Variants in PCMT1 observed in about 807,000 individuals in gnomAD.
PCMT1 encodes the protein protein-L-isoaspartate(D-aspartate) O-methyltransferase.
Under a neutral mutation model 29.2 loss-of-function variants are expected in PCMT1, and 9 were observed. The observed-to-expected ratio is 0.31, with a 90% CI of 0.19 to 0.54. The LOEUF is 0.54. Among genes scored for constraint, PCMT1 ranks in the 20% least tolerant of loss-of-function variants. The pLI is 0.95. For synonymous variants in PCMT1, 98 were observed against 97.5 expected, an observed-to-expected ratio of 1.00 and a Z score of -0.03; for missense variants, 184 against 282.2, an observed-to-expected ratio of 0.65 and a Z score of 2.49.
At chr6:149,762,396 A>G (rs947802446) in intron 1 of PCMT1, among the ~76,000 whole-genome samples, 1 of 151,354 alleles carries the variant, frequency 6.6e-6, no homozygotes. Flanking sequence ...AGAAAAGCCT[A>G]ATGGTAATTG....
At chr6:149,755,909 CA>C (rs984775770) in intron 1 of PCMT1, among the ~76,000 whole-genome samples, 2 of 152,168 alleles carry the variant, frequency 1.3e-5, no homozygotes, top group Non-Finnish European at 2.9e-5. Context: ...ATCATTAGAC[CA>C]AAGATTTGCT....
At position 149,809,933 on chromosome 6, in the gene PCMT1, C is replaced by T. The variant is rs562584935; in HGVS notation, c.*38-683C>T. 13 of 152,226 alleles carry T rather than the reference C, an allele frequency of 8.5e-5. No individual in the cohort carries two copies. The East Asian group carries it at 1.9e-3, about 23-fold the overall frequency. 9.4% of individuals were successfully genotyped at this position (152,226 alleles called of 1,614,324 possible). On this transcript the variant is annotated intron_variant, in intron 7 of 7. Transcript: ENST00000464889. ...AGCTATGAGGCTTGTGGGCTTCTCTCGTGGTTTTATTCATTTTTTCACTTT... is the reference window on the plus strand; with the variant it reads ...AGCTATGAGGCTTGTGGGCTTCTCTTGTGGTTTTATTCATTTTTTCACTTT...
At chr6:149,760,286 C>T (rs1382845799) in intron 1 of PCMT1, among the ~76,000 whole-genome samples, 3 of 152,134 alleles carry the variant, frequency 2.0e-5, no homozygotes, top group Non-Finnish European at 4.4e-5. Flanking sequence ...TTTGCCTCTT[C>T]ATATGCCTTG....
At chr6:149,769,589 C>T (rs1453790823) in intron 1 of PCMT1, among the ~76,000 whole-genome samples, 3 of 151,774 alleles carry the variant, frequency 2.0e-5, no homozygotes, top group Non-Finnish European at 2.9e-5. Flanking sequence ...GCTGGAATTA[C>T]AGGTGTGAGC....
chr6:149,771,117 G>T, intron 1 of PCMT1, 45 bp from the exon 2 acceptor site: 1 of 1,098,490 alleles, frequency 9.1e-7, no homozygotes, highest in Non-Finnish European at 1.4e-6. Flanking sequence ...AAATATCTCT[G>T]ATCATGTCTC....
intron 1 of PCMT1, among the ~76,000 whole-genome samples, chr6:149,769,308 C>CTTGTTTTTTTTTTTT (rs1787214423): frequency 1.4e-5 from 1 of 71,562 alleles, no homozygotes; most frequent in Non-Finnish European, 2.2e-5. Flanking sequence ...GTGCAGGATT[C>CTTGTTTTTTTTTTTT]TTTTTTTTTT....
chr6:149,772,793 G>A (rs1393838808), intron 2 of PCMT1: 2 of 337,912 alleles, frequency 5.9e-6, no homozygotes, highest in Non-Finnish European at 1.1e-5. Flanking sequence ...CGAGGTGGGT[G>A]GATCACGAGG....
chr6:149,787,334 G>GGGAGCT (rs1197875312), intron 3 of PCMT1, among the ~76,000 whole-genome samples: 1 of 150,880 alleles, frequency 6.6e-6, no homozygotes, highest in Admixed American at 6.6e-5. Flanking sequence ...GAGCGGGAGC[G>GGGAGCT]GGAGCTGGCT....
chr6:149,787,845 A>G (rs12182786), intron 3 of PCMT1, among the ~76,000 whole-genome samples: 68 of 142,624 alleles, frequency 4.8e-4, no homozygotes, highest in African/African-American at 1.5e-3. Context: ...GTGTGTGTGT[A>G]TGTGTGTGTA....
At chr6:149,803,950 T>C (rs1321004362) in intron 7 of PCMT1, among the ~76,000 whole-genome samples, 1 of 151,568 alleles carries the variant, frequency 6.6e-6, no homozygotes, top group Non-Finnish European at 1.5e-5. Context: ...GCATGTTGGC[T>C]TGCATCTGTA....
At chr6:149,795,570 C>T (rs915024688) in intron 5 of PCMT1, 6 of 522,478 alleles carry the variant, frequency 1.1e-5, no homozygotes, top group South Asian at 3.6e-5. Context: ...CAACTTTACA[C>T]AACCCAATGA....
intron 3 of PCMT1, among the ~76,000 whole-genome samples, chr6:149,785,614 C>T (rs1028160606): frequency 1.2e-4 from 18 of 151,910 alleles, no homozygotes; most frequent in Admixed American, 3.9e-4. Context: ...TGACTCTTAA[C>T]GAGCACGCTG....
intron 3 of PCMT1, among the ~76,000 whole-genome samples, chr6:149,786,063 G>A (rs1377555132): frequency 2.7e-5 from 4 of 146,688 alleles, no homozygotes; most frequent in Non-Finnish European, 4.6e-5. Context: ...CCTCCCGGAC[G>A]GGGTGGCTAG....
intron 7 of PCMT1, among the ~76,000 whole-genome samples, chr6:149,808,785 T>C (rs750872043): frequency 1.6e-4 from 24 of 151,744 alleles, no homozygotes; most frequent in Admixed American, 3.9e-4. Context: ...TACAGGTGCA[T>C]GCCACCACAC....
chr6:149,771,755 C>G (rs1363738416), intron 2 of PCMT1, among the ~76,000 whole-genome samples: 1 of 152,052 alleles, frequency 6.6e-6, no homozygotes, highest in Admixed American at 6.6e-5. Context: ...TGAGCTCAGG[C>G]AAACCACCCG....
chr6:149,759,651 C>T (rs1275314867), intron 1 of PCMT1, among the ~76,000 whole-genome samples: 3 of 152,074 alleles, frequency 2.0e-5, no homozygotes, highest in African/African-American at 7.2e-5. Flanking sequence ...CCTGCCACCA[C>T]ATCTGGCTAA....
At chr6:149,788,010 C>T (rs1365583047) in intron 3 of PCMT1, among the ~76,000 whole-genome samples, 1 of 152,078 alleles carries the variant, frequency 6.6e-6, no homozygotes, top group African/African-American at 2.4e-5. Context: ...CTCCGCCTCT[C>T]GGGTTCACGC....
intron 3 of PCMT1, among the ~76,000 whole-genome samples, chr6:149,781,408 G>T (rs1787809350): frequency 6.6e-6 from 1 of 151,938 alleles, no homozygotes; most frequent in Non-Finnish European, 1.5e-5. Flanking sequence ...TGTATTTTTA[G>T]TAGAGACAAG....
chr6:149,764,406 T>C (rs1786985689), intron 1 of PCMT1, among the ~76,000 whole-genome samples: 1 of 152,126 alleles, frequency 6.6e-6, no homozygotes, highest in Admixed American at 6.5e-5. Flanking sequence ...ATGGTAAACA[T>C]TAAGCGAATA....
Sources: allele counts gnomAD v4.1 joint callset (sites outside exome capture counted in the v4.1 genomes callset), GRCh38; gene constraint gnomAD v4.1.1; transcripts MANE v1.5; gene names NCBI Gene and HGNC (gene_info 2026-07-23, HGNC 2026-07-21).